Variants in OPCML observed in about 807,000 individuals in gnomAD.
The protein encoded by OPCML is opioid-binding protein/cell adhesion molecule.
Under a neutral mutation model 37.8 loss-of-function variants are expected in OPCML, and 13 were observed. That is an observed-to-expected ratio of 0.34 (90% CI 0.22 to 0.55). OPCML has a LOEUF of 0.55. OPCML is among the 20% of genes least tolerant of loss of function. The probability of loss-of-function intolerance (pLI) is 0.91; values close to 1 mark genes in which losing one functional copy is unlikely to be tolerated. For synonymous variants in OPCML, 176 were observed against 168.8 expected (o/e 1.04, Z -0.33); for missense variants, 341 against 435.6 (o/e 0.78, Z 1.93).
At chr11:133,142,239 C>T (rs1026519749) in intron 1 of OPCML, among the ~76,000 whole-genome samples, 1 of 152,170 alleles carries the variant, frequency 6.6e-6, no homozygotes, top group Non-Finnish European at 1.5e-5. Context: ...AAAAGGGTCG[C>T]AACTCATTAA....
intron 2 of OPCML, among the ~76,000 whole-genome samples, chr11:132,888,787 C>T (rs1349061254): frequency 6.6e-6 from 1 of 150,862 alleles, no homozygotes; most frequent in East Asian, 1.9e-4. Flanking sequence ...CTTTCAAAAC[C>T]AAAATGCATT....
At chr11:133,141,039 C>CGAAGACGAAGAAGACGACGAAGACGAA (rs1348447381) in intron 1 of OPCML, among the ~76,000 whole-genome samples, 1 of 4,102 alleles carries the variant, frequency 2.4e-4, no homozygotes, top group African/African-American at 3.9e-4. Flanking sequence ...ACGACGACGA[C>CGAAGACGAAGAAGACGACGAAGACGAA]GACGACGACG....
intron 1 of OPCML, among the ~76,000 whole-genome samples, chr11:132,956,175 G>A (rs919361217): frequency 2.6e-5 from 4 of 152,156 alleles, no homozygotes; most frequent in African/African-American, 9.7e-5. Flanking sequence ...GAATTAGAGT[G>A]ATTCAGTTTG....
At chr11:133,180,711 T>C (rs1055294987) in intron 1 of OPCML, among the ~76,000 whole-genome samples, 4 of 151,964 alleles carry the variant, frequency 2.6e-5, no homozygotes, top group Admixed American at 6.6e-5. Flanking sequence ...AGAATAGGTA[T>C]GACATCGCTC....
At chr11:132,999,541 C>A (rs1164438102) in intron 1 of OPCML, among the ~76,000 whole-genome samples, 2 of 149,914 alleles carry the variant, frequency 1.3e-5, no homozygotes, top group Admixed American at 6.7e-5. Flanking sequence ...AAAAGAGTCA[C>A]AGCTCTGCTC....
intron 1 of OPCML, among the ~76,000 whole-genome samples, chr11:133,460,258 A>G (rs1043232528): frequency 6.6e-6 from 1 of 151,966 alleles, no homozygotes; most frequent in African/African-American, 2.4e-5. Flanking sequence ...AAAAGCTCAC[A>G]TTTATTAAGA....
At chr11:132,976,709 G>A (rs754665318) in intron 1 of OPCML, among the ~76,000 whole-genome samples, 1 of 152,056 alleles carries the variant, frequency 6.6e-6, no homozygotes, top group Non-Finnish European at 1.5e-5. Flanking sequence ...AGTACTTTCT[G>A]GCATTTATAA....
At chr11:132,500,011 T>C (rs1447037540) in intron 4 of OPCML, among the ~76,000 whole-genome samples, 1 of 152,148 alleles carries the variant, frequency 6.6e-6, no homozygotes, top group East Asian at 1.9e-4. Flanking sequence ...AGGTAATAGG[T>C]TGTGAAATGC....
intron 1 of OPCML, among the ~76,000 whole-genome samples, chr11:132,972,235 A>G (rs1229152436): frequency 6.6e-6 from 1 of 152,140 alleles, no homozygotes; most frequent in Non-Finnish European, 1.5e-5. Context: ...TGGTGGCCCC[A>G]GTCCTGCGGT....
chr11:132,582,598 T>C (rs1436701506), intron 3 of OPCML, among the ~76,000 whole-genome samples: 2 of 152,096 alleles, frequency 1.3e-5, no homozygotes, highest in South Asian at 4.1e-4. Context: ...AAATAAAAGA[T>C]GTTTTCAAAG....
chr11:133,110,213 A>G (rs755907553), intron 1 of OPCML, among the ~76,000 whole-genome samples: 2 of 152,210 alleles, frequency 1.3e-5, no homozygotes, highest in Non-Finnish European at 2.9e-5. Context: ...AAAATGGTAA[A>G]TTTAGTATTT....
At chr11:132,698,028 T>C (rs1943664507) in intron 2 of OPCML, among the ~76,000 whole-genome samples, 1 of 128,508 alleles carries the variant, frequency 7.8e-6, no homozygotes, top group South Asian at 2.4e-4. Flanking sequence ...ATTTATTTAT[T>C]GTAGAGATGG....
In OPCML at chr11:133,028,724, G is replaced by T. The variant is rs1318161658; in HGVS notation, c.62-85714C>A. On this transcript the variant is annotated intron_variant, in intron 1 of 7. Coordinates refer to ENST00000524381, the MANE Select transcript of OPCML (RefSeq NM_001012393.5). ...AAAAATCAACTTAAGATGGATTAAA[G>T]ACTTAAAGGTAAGACTTCAAAATAT... Among the ~76,000 whole-genome samples, 3 of 152,142 alleles carry T rather than the reference G, an allele frequency of 2.0e-5. No individual in the cohort carries two copies. In the East Asian group the frequency reaches 5.8e-4, roughly 29 times the overall value.
chr11:132,525,098 G>A (rs562569382), intron 4 of OPCML, among the ~76,000 whole-genome samples: 6 of 152,164 alleles, frequency 3.9e-5, no homozygotes, highest in South Asian at 4.2e-4. Flanking sequence ...GGTAGAGATC[G>A]CATTTCTGTA....
intron 3 of OPCML, among the ~76,000 whole-genome samples, chr11:132,544,186 T>A (rs1013442719): frequency 2.6e-5 from 4 of 151,476 alleles, no homozygotes; most frequent in African/African-American, 7.3e-5. Context: ...CCCATAAATA[T>A]CCCTGGCTCC....
chr11:132,497,171 A>G (rs2096233907), intron 4 of OPCML, among the ~76,000 whole-genome samples: 3 of 152,162 alleles, frequency 2.0e-5, no homozygotes, highest in Admixed American at 1.3e-4. Context: ...GTTCTCACTT[A>G]TAAGTGGGGG....
At chr11:133,392,735 G>A (rs146979662) in intron 1 of OPCML, among the ~76,000 whole-genome samples, 5 of 152,320 alleles carry the variant, frequency 3.3e-5, no homozygotes, top group Admixed American at 6.5e-5. Context: ...TGTATCATTC[G>A]TTACAGGTTT....
chr11:132,598,267 A>G (rs180966690), intron 3 of OPCML, among the ~76,000 whole-genome samples: 1 of 152,092 alleles, frequency 6.6e-6, no homozygotes, highest in African/African-American at 2.4e-5. Context: ...TATTTTTGGT[A>G]TGTGTCTGTT....
At chr11:133,094,896 A>C in intron 1 of OPCML, among the ~76,000 whole-genome samples, 1 of 152,130 alleles carries the variant, frequency 6.6e-6, no homozygotes, top group East Asian at 1.9e-4. Context: ...TATAATATTA[A>C]AATTTTACCC....
Sources: gnomAD v4.1 joint callset for allele counts (sites outside exome capture counted in the v4.1 genomes callset) on GRCh38, gnomAD v4.1.1 for gene constraint, MANE v1.5 for transcripts, NCBI Gene and HGNC (gene_info 2026-07-23, HGNC 2026-07-21) for gene names.